The following NRXN3 variants were observed in gnomAD, a reference collection of about 807,000 sequenced individuals.
NRXN3 encodes neurexin III.
A neutral mutation model predicts 137.6 loss-of-function variants in NRXN3; 32 were observed. That is an observed-to-expected ratio of 0.23 (90% confidence interval 0.18 to 0.31). The LOEUF (loss-of-function observed/expected upper bound fraction) is 0.31, where lower values mean the gene tolerates loss of function less well. Among genes scored for constraint, NRXN3 ranks in the 10% least tolerant of loss-of-function variants. The pLI is 1.00. For missense variants in NRXN3, 1,574 were observed against 2,062.5 expected, an observed-to-expected ratio of 0.76 and a Z score of 4.59; for synonymous variants, 798 against 784.5, an observed-to-expected ratio of 1.02 and a Z score of -0.29.
intron 4 of NRXN3, among the ~76,000 whole-genome samples, chr14:78,581,345 G>A (rs949046939): frequency 1.3e-5 from 2 of 152,170 alleles, no homozygotes; most frequent in Admixed American, 6.5e-5. Flanking sequence ...GTGCTGGCAC[G>A]TTTCATGTCT....
intron 16 of NRXN3, among the ~76,000 whole-genome samples, chr14:79,626,516 T>G (rs956708590): frequency 6.6e-6 from 1 of 152,164 alleles, no homozygotes. Flanking sequence ...AATGGAAATA[T>G]GGCAAACATC....
chr14:79,436,674 G>T (rs2095850605), intron 15 of NRXN3, among the ~76,000 whole-genome samples: 1 of 152,090 alleles, frequency 6.6e-6, no homozygotes, highest in Admixed American at 6.5e-5. Context: ...TTTTTATTGG[G>T]CAGGCAGCAT....
intron 16 of NRXN3, among the ~76,000 whole-genome samples, chr14:79,511,992 C>T (rs1375341347): frequency 3.3e-5 from 5 of 152,250 alleles, no homozygotes; most frequent in Admixed American, 2.0e-4. Context: ...CTCTGCCTCC[C>T]GGGTTCAAGT....
intron 19 of NRXN3, among the ~76,000 whole-genome samples, chr14:79,730,302 C>A (rs755646487): frequency 1.2e-4 from 18 of 152,110 alleles, no homozygotes; most frequent in Admixed American, 5.2e-4. Context: ...CTGAGTGGGG[C>A]CTGAAGCCAC....
intron 1 of NRXN3, among the ~76,000 whole-genome samples, chr14:78,238,822 G>A (rs76840374): frequency 0.03 from 4,592 of 152,324 alleles, 213 homozygotes; most frequent in African/African-American, 0.1. Flanking sequence ...GGGCTGGAGG[G>A]GAAGGATGAG....
At chr14:78,501,035 A>T (rs2095868785) in intron 4 of NRXN3, among the ~76,000 whole-genome samples, 1 of 151,978 alleles carries the variant, frequency 6.6e-6, no homozygotes, top group African/African-American at 2.4e-5. Context: ...TTATTGCCCC[A>T]CTCCTAGTTG....
chr14:78,970,708 G>A (rs990944346), intron 14 of NRXN3, among the ~76,000 whole-genome samples: 7 of 152,102 alleles, frequency 4.6e-5, no homozygotes, highest in African/African-American at 1.7e-4. Flanking sequence ...AACGAGTTGG[G>A]GAAAATGTCC....
At chr14:79,856,678 C>T (rs2099403400) in intron 20 of NRXN3, among the ~76,000 whole-genome samples, 1 of 150,718 alleles carries the variant, frequency 6.6e-6, no homozygotes, top group Admixed American at 6.6e-5. Context: ...AACATTCTCA[C>T]AGTTCAGAAG....
rs2067321932 is a variant in NRXN3, at chr14:78,243,938, G to A, written c.709+136G>A. The A allele has an allele frequency of 3.0e-6, 2 of 669,030 alleles. No homozygotes were observed. The highest frequency in any genetic ancestry group is 2.0e-5 in the South Asian group (1 of 51,012). 41.4% of individuals were successfully genotyped at this position (669,030 alleles called of 1,614,324 possible). A position where few individuals can be genotyped will look rare whatever the true frequency, so the allele number is the denominator to read the frequency against. On this transcript the variant is annotated intron_variant, in intron 2 of 20. Transcript: ENST00000335750. The surrounding 1 kb of genome is among the most constrained non-coding windows in gnomAD (Gnocchi z 4.2). Reference sequence around the variant, plus strand: ...TCACTGGGCCCCTTGCCCTAAGGAGGCAGTGGAAATCCTTTGCCTACTCTT... The same window carrying A: ...TCACTGGGCCCCTTGCCCTAAGGAGACAGTGGAAATCCTTTGCCTACTCTT...
intron 15 of NRXN3, among the ~76,000 whole-genome samples, chr14:79,141,914 C>A (rs2058817882): frequency 6.6e-6 from 1 of 152,150 alleles, no homozygotes; most frequent in Non-Finnish European, 1.5e-5. Flanking sequence ...ATGTCATAAA[C>A]AAATCAATCA....
Position 79,542,441 on chromosome 14 carries a change from C to A in NRXN3, c.3444+75039C>A, listed in dbSNP as rs114304888. 3.9e-3 allele frequency among the ~76,000 whole-genome samples: 600 copies of A among 152,290 alleles called. 8 individuals carry two copies. Among genetic ancestry groups the A allele is most frequent in the African/African-American group, 0.013 (559 of 41,574 alleles). ...TTCTTTCTTAGCCTACGTGAACATC[C>A]TTCTCTAGACTTAAATTACTTCTGA... On this transcript the variant is annotated intron_variant, in intron 16 of 20. Transcript: ENST00000335750.
chr14:79,372,765 A>T (rs573244578), intron 15 of NRXN3, among the ~76,000 whole-genome samples: 1 of 152,240 alleles, frequency 6.6e-6, no homozygotes, highest in South Asian at 2.1e-4. Context: ...ATTTTCTGAA[A>T]TTCCCATTTT....
chr14:78,294,327 GGC>G (rs1417793778), intron 3 of NRXN3, among the ~76,000 whole-genome samples: 6 of 152,068 alleles, frequency 3.9e-5, no homozygotes, highest in Non-Finnish European at 8.8e-5. Flanking sequence ...GGCTGCAGCG[GGC>G]AGATCACCTG....
At chr14:78,983,082 T>G (rs576885941) in intron 14 of NRXN3, among the ~76,000 whole-genome samples, 1 of 152,280 alleles carries the variant, frequency 6.6e-6, no homozygotes, top group Admixed American at 6.5e-5. Context: ...GAAACCATGA[T>G]GAGATATCAC....
rs74065224 is a variant in NRXN3 at position 78,825,594 on chromosome 14, G to A, written c.2275+15250G>A. Among the ~76,000 whole-genome samples the A allele has an allele frequency of 8.1e-3, 1,230 of 152,302 alleles. 15 individuals are homozygous for A. The highest frequency in any genetic ancestry group is 0.027 in the African/African-American group (1,130 of 41,572). On this transcript the variant is annotated intron_variant, in intron 10 of 20. Transcript: ENST00000335750. ...ATGTTCTTATAGCCTTGTGCCTCACGGCGTGAATTGCTCATTGATCATTTG... is the reference window on the plus strand; with the variant it reads ...ATGTTCTTATAGCCTTGTGCCTCACAGCGTGAATTGCTCATTGATCATTTG...
intron 10 of NRXN3, among the ~76,000 whole-genome samples, chr14:78,837,024 C>T (rs947782981): frequency 6.6e-6 from 1 of 152,150 alleles, no homozygotes; most frequent in African/African-American, 2.4e-5. Context: ...TGTTAACCCA[C>T]ATCGCCACCT....
chr14:79,257,418 G>A (rs1597924768), intron 15 of NRXN3, among the ~76,000 whole-genome samples: 1 of 76,862 alleles, frequency 1.3e-5, no homozygotes, highest in Non-Finnish European at 2.7e-5. Flanking sequence ...GGTGGTGATG[G>A]TGGTGATGGT....
chr14:78,565,067 C>T (rs76324776), intron 4 of NRXN3, among the ~76,000 whole-genome samples: 2 of 152,310 alleles, frequency 1.3e-5, no homozygotes, highest in African/African-American at 4.8e-5. Flanking sequence ...ACATTATAAG[C>T]ACCTGATAGG....
At chr14:79,024,046 T>C (rs548097160) in intron 15 of NRXN3, among the ~76,000 whole-genome samples, 10 of 152,074 alleles carry the variant, frequency 6.6e-5, no homozygotes, top group Non-Finnish European at 1.5e-4. Flanking sequence ...ATCCCTTCCA[T>C]AAAGTACAAG....
Sources: allele counts gnomAD v4.1 joint callset (sites outside exome capture counted in the v4.1 genomes callset), GRCh38; gene constraint gnomAD v4.1.1; non-coding constraint Gnocchi (gnomAD v3.1); transcripts MANE v1.5; gene names NCBI Gene and HGNC (gene_info 2026-07-23, HGNC 2026-07-21).